Variants in DPP6 observed in about 807,000 individuals in gnomAD.
The protein encoded by DPP6 is dipeptidyl peptidase like 6.
A neutral mutation model predicts 122.6 loss-of-function variants in DPP6; 69 were observed. The ratio of observed to expected loss-of-function variants is 0.56; its 90% CI spans 0.46 to 0.69. The LOEUF (loss-of-function observed/expected upper bound fraction) is 0.69, where lower values mean the gene tolerates loss of function less well. DPP6 is among the 30% of genes least tolerant of loss of function. DPP6 has a pLI of 0.00. For synonymous variants in DPP6, 418 were observed against 433.1 expected, an observed-to-expected ratio of 0.97 and a Z score of 0.43; for missense variants, 928 against 1,116.9, an observed-to-expected ratio of 0.83 and a Z score of 2.41.
At chr7:153,815,521 C>A in the DPP6 span, among the ~76,000 whole-genome samples, 1 of 151,846 alleles carries the variant, frequency 6.6e-6, no homozygotes, top group Non-Finnish European at 1.5e-5. Flanking sequence ...CTCCCCCGTC[C>A]CCCCACCCCA....
intron 8 of DPP6, among the ~76,000 whole-genome samples, chr7:154,741,779 T>G (rs1842831593): frequency 6.6e-6 from 1 of 152,156 alleles, no homozygotes; most frequent in African/African-American, 2.4e-5. Context: ...TCCACTTCTT[T>G]TATGGGTCCA....
intron 1 of DPP6, among the ~76,000 whole-genome samples, chr7:154,155,120 C>G (rs1796616751): frequency 6.8e-6 from 1 of 147,818 alleles, no homozygotes; most frequent in South Asian, 2.1e-4. Context: ...TTAGAAGGTT[C>G]CTCTTGAGAG....
chr7:153,899,280 A>G (rs183880833), intron 1 of DPP6, among the ~76,000 whole-genome samples: 1 of 151,488 alleles, frequency 6.6e-6, no homozygotes, highest in Admixed American at 6.6e-5. Context: ...TGATATGTCT[A>G]CCCTTGCCTT....
At chr7:154,872,585 A>G (rs2150640945) in intron 18 of DPP6, 39 bp from the exon 19 acceptor site, 4 of 1,569,836 alleles carry the variant, frequency 2.5e-6, no homozygotes, top group South Asian at 1.2e-5. Flanking sequence ...CGTGGCCAGC[A>G]TTGCCCCCTA....
In DPP6 at chr7:154,062,044, G is replaced by A. The variant is rs1263411403; in HGVS notation, c.243+8981G>A. 6.8e-4 allele frequency among the ~76,000 whole-genome samples: 83 copies of A among 121,880 alleles called. 3 individuals are homozygous for A. Among genetic ancestry groups the A allele is most frequent in the Non-Finnish European group, 9.5e-4 (53 of 55,958 alleles). The allele number at this position is 121,880 out of a possible 152,430, so 80.0% of individuals were successfully genotyped here. A position where few individuals can be genotyped will look rare whatever the true frequency, so the allele number is the denominator to read the frequency against. On this transcript the variant is annotated intron_variant, in intron 1 of 25. Coordinates refer to ENST00000377770, the MANE Select transcript of DPP6 (RefSeq NM_130797.4). ...GGGGGAGGCACCCCCCGCGAGGCAG[G>A]GACTGACAGCCAGCCCCTGGTTCCC...
chr7:154,336,628 G>C (rs1477430411), intron 1 of DPP6, among the ~76,000 whole-genome samples: 2 of 152,208 alleles, frequency 1.3e-5, no homozygotes, highest in Admixed American at 1.3e-4. Flanking sequence ...CAAAAGGCAT[G>C]TGATTCAAGC....
intron 17 of DPP6, chr7:154,865,308 A>T (rs1449406547): frequency 6.6e-6 from 1 of 152,088 alleles, no homozygotes; most frequent in African/African-American, 2.4e-5. Flanking sequence ...CAAGTTCCTC[A>T]CCTGTTTTGC....
intron 3 of DPP6, among the ~76,000 whole-genome samples, chr7:154,533,341 A>G (rs1586561031): frequency 6.6e-6 from 1 of 152,216 alleles, no homozygotes; most frequent in East Asian, 1.9e-4. Context: ...GCTAGATGAC[A>G]TGGACAAATC....
chr7:154,547,950 T>C (rs1263911103), intron 4 of DPP6, among the ~76,000 whole-genome samples: 1 of 152,238 alleles, frequency 6.6e-6, no homozygotes, highest in Non-Finnish European at 1.5e-5. Context: ...GGCTCACGCG[T>C]GTAATCCCAG....
At chr7:154,278,584 C>G (rs1250646467) in intron 1 of DPP6, among the ~76,000 whole-genome samples, 1 of 152,222 alleles carries the variant, frequency 6.6e-6, no homozygotes, top group East Asian at 1.9e-4. Context: ...ATAGGTGGTG[C>G]AACTTTTAAC....
chr7:154,815,423 C>T (rs1237262460), intron 16 of DPP6, among the ~76,000 whole-genome samples: 1 of 152,222 alleles, frequency 6.6e-6, no homozygotes, highest in African/African-American at 2.4e-5. Context: ...ACAACAGAAT[C>T]GAAGTGCCCA....
rs1357674024 is a variant in DPP6, at chr7:154,624,690, A to AAC, written c.628-13127_628-13126dup. 2.6e-5 allele frequency among the ~76,000 whole-genome samples: 4 copies of AAC among 152,110 alleles called. No individual in the cohort carries two copies. Among genetic ancestry groups the AAC allele is most frequent in the Non-Finnish European group, 5.9e-5 (4 of 68,028 alleles). ...AGAAAGCAATGGAGCCCTTGTTAGA[A>AAC]ACACATATTTCTAAGCTCCAAGCCT... On this transcript the variant is annotated intron_variant, in intron 5 of 25. Transcript: ENST00000377770. This position sits in a 1 kb window ranked among gnomAD's most constrained non-coding sequence, Gnocchi z 4.7.
At chr7:154,529,205 A>G (rs1259872831) in intron 3 of DPP6, among the ~76,000 whole-genome samples, 2 of 152,206 alleles carry the variant, frequency 1.3e-5, no homozygotes, top group African/African-American at 4.8e-5. Flanking sequence ...TTCAAGAGGA[A>G]GAATGGGCAA....
intron 1 of DPP6, among the ~76,000 whole-genome samples, chr7:154,023,318 G>GCACACACACACACACACACACACACA (rs1554436897): frequency 2.3e-5 from 3 of 129,526 alleles, no homozygotes; most frequent in Non-Finnish European, 3.2e-5. Context: ...TTTCTTGTCT[G>GCACACACACACACACACACACACACA]CACACACACA....
intron 3 of DPP6, among the ~76,000 whole-genome samples, chr7:154,509,005 T>C (rs1825863248): frequency 6.6e-6 from 1 of 152,044 alleles, no homozygotes; most frequent in South Asian, 2.1e-4. Flanking sequence ...AAAACCTAAA[T>C]GTAAGAGCTA....
intron 16 of DPP6, among the ~76,000 whole-genome samples, chr7:154,853,044 G>A (rs182997660): frequency 7.9e-5 from 12 of 152,296 alleles, no homozygotes; most frequent in Non-Finnish European, 1.8e-4. Context: ...GCTAAAGTAA[G>A]GTTGGAAAAG....
chr7:154,782,002 A>G (rs974361675), intron 10 of DPP6, among the ~76,000 whole-genome samples: 2 of 152,214 alleles, frequency 1.3e-5, no homozygotes, highest in Non-Finnish European at 2.9e-5. Context: ...ATTTGAAGGC[A>G]CCTTTGGCCT....
chr7:154,650,448 A>G (rs1836803056), intron 6 of DPP6, among the ~76,000 whole-genome samples: 1 of 152,188 alleles, frequency 6.6e-6, no homozygotes, highest in South Asian at 2.1e-4. Context: ...AAAAGAGCAC[A>G]GAGCCATCTG....
chr7:154,314,493 T>G (rs1008752726), intron 1 of DPP6, among the ~76,000 whole-genome samples: 9 of 152,228 alleles, frequency 5.9e-5, no homozygotes, highest in African/African-American at 2.2e-4. Context: ...TTTGGACTTT[T>G]GTTTTAGTAA....
Sources: allele counts gnomAD v4.1 joint callset (sites outside exome capture counted in the v4.1 genomes callset), GRCh38; gene constraint gnomAD v4.1.1; non-coding constraint Gnocchi (gnomAD v3.1); transcripts MANE v1.5; gene names NCBI Gene and HGNC (gene_info 2026-07-23, HGNC 2026-07-21).